The following SETBP1 variants were observed in gnomAD, a reference collection of about 807,000 sequenced individuals.
SETBP1 encodes the protein SET binding protein 1.
In SETBP1, 9 loss-of-function variants were observed where a neutral mutation model predicts 101.0. The observed-to-expected ratio is 0.09, with a 90% CI of 0.05 to 0.16. The LOEUF is 0.16. SETBP1 is among the 10% of genes least tolerant of loss of function. The probability of loss-of-function intolerance (pLI) is 1.00; values close to 1 mark genes in which losing one functional copy is unlikely to be tolerated. For synonymous variants in SETBP1, 818 were observed against 788.5 expected (o/e 1.04, Z -0.63); for missense variants, 1,858 against 2,033.8 (o/e 0.91, Z 1.66).
At chr18:44,778,531 C>T (rs1008549227) in intron 2 of SETBP1, among the ~76,000 whole-genome samples, 1 of 152,168 alleles carries the variant, frequency 6.6e-6, no homozygotes, top group African/African-American at 2.4e-5. Context: ...ATGGTTTTTA[C>T]TAAGAACACA....
At chr18:45,043,385 A>ACACT (rs1231061682) in intron 5 of SETBP1, among the ~76,000 whole-genome samples, 38 of 151,684 alleles carry the variant, frequency 2.5e-4, no homozygotes, top group African/African-American at 7.0e-4. Flanking sequence ...ACACACTCAC[A>ACACT]CACACACACA....
At chr18:44,980,484 TAA>T (rs146319182) in intron 4 of SETBP1, among the ~76,000 whole-genome samples, 3 of 143,724 alleles carry the variant, frequency 2.1e-5, no homozygotes, top group African/African-American at 5.1e-5. Flanking sequence ...TCTTCTGCTT[TAA>T]AAAAAAAAAA....
chr18:44,871,015 C>T (rs966880995), intron 3 of SETBP1: 3 of 152,394 alleles, frequency 2.0e-5, no homozygotes, highest in African/African-American at 7.2e-5. Context: ...ACAACCAGCC[C>T]CACAGCTTCC....
At position 44,921,768 on chromosome 18, in the gene SETBP1, G is replaced by A. The variant is rs114657227; in HGVS notation, c.541-28113G>A. 4.8e-3 allele frequency among the ~76,000 whole-genome samples: 732 copies of A among 152,242 alleles called. 2 individuals carry two copies. The highest frequency in any genetic ancestry group is 0.016 in the African/African-American group (676 of 41,550). On this transcript the variant is annotated intron_variant, in intron 3 of 5. Transcript: ENST00000649279. Reference sequence around the variant, plus strand: ...CTATAGGATATACAGAATGAGTATCGTGGGGGCCCAGGGGACGGAGGGATA... The same window carrying A: ...CTATAGGATATACAGAATGAGTATCATGGGGGCCCAGGGGACGGAGGGATA...
At chr18:45,040,297 G>A (rs1384181847) in intron 5 of SETBP1, among the ~76,000 whole-genome samples, 1 of 152,016 alleles carries the variant, frequency 6.6e-6, no homozygotes, top group African/African-American at 2.4e-5. Context: ...GAAATGCAGA[G>A]GAAGTTACTC....
intron 2 of SETBP1, among the ~76,000 whole-genome samples, chr18:44,728,846 G>T (rs1445502915): frequency 6.6e-6 from 1 of 152,194 alleles, no homozygotes; most frequent in Non-Finnish European, 1.5e-5. Context: ...TAGAAGAAAT[G>T]CAAGTAGATC....
At chr18:44,964,709 C>G (rs1356338857) in intron 4 of SETBP1, among the ~76,000 whole-genome samples, 1 of 152,122 alleles carries the variant, frequency 6.6e-6, no homozygotes, top group Admixed American at 6.5e-5. Context: ...CACAGGTCCC[C>G]AGCTGATGGT....
intron 2 of SETBP1, among the ~76,000 whole-genome samples, chr18:44,738,441 G>T (rs1046635116): frequency 6.6e-6 from 1 of 152,170 alleles, no homozygotes. Context: ...AGCATTAGAA[G>T]ATGAGTGTTC....
chr18:44,687,365 A>G (rs1220046369), intron 1 of SETBP1, among the ~76,000 whole-genome samples: 1 of 152,204 alleles, frequency 6.6e-6, no homozygotes, highest in Non-Finnish European at 1.5e-5. Flanking sequence ...TGGCGCCGCC[A>G]ACAACTGTCC....
Position 45,064,385 on chromosome 18 carries a change from C to T in SETBP1, c.*687C>T, listed in dbSNP as rs2073940775. On this transcript the variant is annotated 3_prime_UTR_variant, in exon 6 of 6. Transcript: ENST00000649279. ...TTAGCATTGTCTATTCCTATTTTTCCTTTGCCCATTGTACTTCCATATATC... is the reference window on the plus strand; with the variant it reads ...TTAGCATTGTCTATTCCTATTTTTCTTTTGCCCATTGTACTTCCATATATC... 1 of 151,882 alleles carries T rather than the reference C, an allele frequency of 6.6e-6. No individual in the cohort carries two copies. The highest frequency in any genetic ancestry group is 2.4e-5 in the African/African-American group (1 of 41,334). The allele number at this position is 151,882 out of a possible 1,614,324, so 9.4% of individuals were successfully genotyped here.
At chr18:44,824,266 G>T (rs2072183972) in intron 2 of SETBP1, among the ~76,000 whole-genome samples, 1 of 152,086 alleles carries the variant, frequency 6.6e-6, no homozygotes, top group South Asian at 2.1e-4. Flanking sequence ...ACCCTTCCTT[G>T]AGCCCACCCA....
Position 45,063,542 on chromosome 18 carries a change from C to T in SETBP1, c.4635C>T (p.Pro1545=), listed in dbSNP as rs1342441424. 1 of 1,471,808 alleles carries T rather than the reference C, an allele frequency of 6.8e-7. No individual in the cohort carries two copies. Among genetic ancestry groups the T allele is most frequent in the Non-Finnish European group, 9.1e-7 (1 of 1,096,804 alleles). The allele number at this position is 1,471,808 out of a possible 1,614,324, so 91.2% of individuals were successfully genotyped here. A position where few individuals can be genotyped will look rare whatever the true frequency, so the allele number is the denominator to read the frequency against. The change falls in exon 6 of 6, where the codon CCC becomes CCT. Residue 1545 remains proline (P), a synonymous_variant. Coordinates refer to ENST00000649279, the MANE Select transcript of SETBP1 (RefSeq NM_015559.3). ...CCCTGCCCCCGCCACCCCCTCTACC[C>T]AAGACCCCCCGAGGCGGAAAGAGGA... ...PPPLPPPPPL[P]KTPRGGKRKH... is the part of the protein sequence containing the mutation.
chr18:44,945,407 T>A (rs1488805313), intron 3 of SETBP1, among the ~76,000 whole-genome samples: 1 of 152,220 alleles, frequency 6.6e-6, no homozygotes, highest in South Asian at 2.1e-4. Context: ...AGAACTTGCT[T>A]CCATGAAGAA....
At chr18:44,972,297 A>T (rs749039271) in intron 4 of SETBP1, among the ~76,000 whole-genome samples, 1 of 152,158 alleles carries the variant, frequency 6.6e-6, no homozygotes, top group Non-Finnish European at 1.5e-5. Flanking sequence ...TATAGTTTGA[A>T]GTCAGGTAGT....
chr18:44,717,619 G>A (rs570034106), intron 2 of SETBP1, among the ~76,000 whole-genome samples: 15 of 152,296 alleles, frequency 9.8e-5, no homozygotes, highest in African/African-American at 3.4e-4. Flanking sequence ...ATCCTTTATG[G>A]TGATGAGAGA....
rs144981370 is a variant in SETBP1, at chr18:45,010,919, T to A, written c.4001-27566T>A. 2.2e-3 allele frequency among the ~76,000 whole-genome samples: 340 copies of A among 152,274 alleles called. 2 individuals are homozygous for A. Among genetic ancestry groups the A allele is most frequent in the African/African-American group, 7.8e-3 (326 of 41,540 alleles). On this transcript the variant is annotated intron_variant, in intron 4 of 5. Transcript: ENST00000649279. ...TTCTGGAGTCTAAAGGAAAGCAAAGTTCTAATTTTAAAAGGCAAATGATAA... is the reference window on the plus strand; with the variant it reads ...TTCTGGAGTCTAAAGGAAAGCAAAGATCTAATTTTAAAAGGCAAATGATAA...
At chr18:45,062,345 T>A (rs1056475199) in intron 5 of SETBP1, among the ~76,000 whole-genome samples, 27 of 152,150 alleles carry the variant, frequency 1.8e-4, no homozygotes, top group African/African-American at 6.0e-4. Flanking sequence ...TCCCTTGAGG[T>A]TCCCAGAGGA....
intron 1 of SETBP1, among the ~76,000 whole-genome samples, chr18:44,682,878 C>A (rs1326132174): frequency 6.6e-6 from 1 of 152,006 alleles, no homozygotes. Flanking sequence ...AGTTGCTAGC[C>A]ACTATAGTAA....
chr18:44,701,272 C>A lies in SETBP1; in HGVS notation c.-75C>A. ...ACTTTGTTCTTGGAATTTTGGGTGTCCTCTTTTCTCACCTTTCCCTTTTCC... is the reference window on the plus strand; with the variant it reads ...ACTTTGTTCTTGGAATTTTGGGTGTACTCTTTTCTCACCTTTCCCTTTTCC... On this transcript the variant is annotated 5_prime_UTR_variant, in exon 2 of 6. Coordinates refer to ENST00000649279, the MANE Select transcript of SETBP1 (RefSeq NM_015559.3). 1 of 1,442,096 alleles carries A rather than the reference C, an allele frequency of 6.9e-7. No individual in the cohort carries two copies. Among genetic ancestry groups the A allele is most frequent in the Non-Finnish European group, 9.1e-7 (1 of 1,093,584 alleles). The allele number at this position is 1,442,096 out of a possible 1,614,324, so 89.3% of individuals were successfully genotyped here. A position where few individuals can be genotyped will look rare whatever the true frequency, so the allele number is the denominator to read the frequency against.
Sources: allele counts gnomAD v4.1 joint callset (sites outside exome capture counted in the v4.1 genomes callset), GRCh38; gene constraint gnomAD v4.1.1; transcripts MANE v1.5; gene names NCBI Gene and HGNC (gene_info 2026-07-23, HGNC 2026-07-21).